The following REV3L variants were observed in gnomAD, a reference collection of about 807,000 sequenced individuals.
REV3L encodes the protein REV3 like, DNA directed polymerase zeta catalytic subunit.
In REV3L, 69 loss-of-function variants were observed where a neutral mutation model predicts 299.4. That is an observed-to-expected ratio of 0.23 (90% CI 0.19 to 0.28). The LOEUF is 0.28. Among genes scored for constraint, REV3L ranks in the 10% least tolerant of loss-of-function variants. REV3L has a pLI of 1.00. For synonymous variants in REV3L, 1,238 were observed against 1,271.4 expected (o/e 0.97, Z 0.56); for missense variants, 3,128 against 3,693.8 (o/e 0.85, Z 3.97).
intron 1 of REV3L, among the ~76,000 whole-genome samples, chr6:111,476,900 G>A (rs990699929): frequency 6.6e-6 from 1 of 152,048 alleles, no homozygotes; most frequent in African/African-American, 2.4e-5. Context: ...ACCATATCTA[G>A]AAAATCAATT....
chr6:111,374,378 G>C lies in REV3L; in HGVS notation c.3977C>G (p.Ser1326Cys). 1 of 1,613,878 alleles carries C rather than the reference G, an allele frequency of 6.2e-7. No homozygotes were observed. The highest frequency in any genetic ancestry group is 1.1e-5 in the South Asian group (1 of 91,068). ...AATTTTTGAGACTCCAGGTCCTATA[G>C]AATTACAAACAACTGATGGATGCAA... ...DDLHPSVVCN[S>C]IGPGVSKINV... The change falls in exon 13 of 32, where the codon TCT becomes TGT. Residue 1326 changes from serine to cysteine, a missense_variant. Physicochemically the swap from Ser to Cys is moderately radical, Grantham distance 112 (BLOSUM62 -1). Around this residue, in one of 9 missense-constraint regions of REV3L, gnomAD observed 2,409 missense variants for 2,611.8 expected, o/e 0.92. Coordinates refer to ENST00000368802, the MANE Select transcript of REV3L (RefSeq NM_001372078.1).
chr6:111,467,150 T>C (rs1368744383), intron 1 of REV3L, among the ~76,000 whole-genome samples: 1 of 152,232 alleles, frequency 6.6e-6, no homozygotes, highest in Non-Finnish European at 1.5e-5. Flanking sequence ...GTTCGACAAC[T>C]TTAAAATGTT....
chr6:111,371,000 T>C (rs1385708408), intron 13 of REV3L, among the ~76,000 whole-genome samples: 3 of 152,006 alleles, frequency 2.0e-5, no homozygotes, highest in African/African-American at 7.2e-5. Context: ...GTCAGGAACA[T>C]GGTACTGCCA....
intron 3 of REV3L, among the ~76,000 whole-genome samples, chr6:111,409,658 A>G (rs1285952265): frequency 6.6e-6 from 1 of 152,216 alleles, no homozygotes; most frequent in Non-Finnish European, 1.5e-5. Context: ...GCCTGAGTAG[A>G]GGATAGAGAA....
intron 1 of REV3L, among the ~76,000 whole-genome samples, chr6:111,469,336 A>C (rs1053771911): frequency 1.3e-5 from 2 of 152,214 alleles, no homozygotes; most frequent in African/African-American, 2.4e-5. Flanking sequence ...AAATGGAATA[A>C]AAACAAGAAC....
At chr6:111,339,594 A>G (rs1399467849) in intron 21 of REV3L, among the ~76,000 whole-genome samples, 1 of 152,130 alleles carries the variant, frequency 6.6e-6, no homozygotes, top group African/African-American at 2.4e-5. Context: ...TTTCATAACT[A>G]AAGGTTAATT....
chr6:111,469,375 T>G (rs913237731), intron 1 of REV3L, among the ~76,000 whole-genome samples: 2 of 152,148 alleles, frequency 1.3e-5, no homozygotes, highest in Admixed American at 1.3e-4. Flanking sequence ...ATCTGAACTG[T>G]TGAATAAATT....
intron 1 of REV3L, among the ~76,000 whole-genome samples, chr6:111,427,375 C>T (rs1193626559): frequency 6.6e-6 from 1 of 152,002 alleles, no homozygotes; most frequent in African/African-American, 2.4e-5. Flanking sequence ...ACAACTCTTT[C>T]AACTCAATAA....
chr6:111,474,673 T>C (rs1001326624), intron 1 of REV3L, among the ~76,000 whole-genome samples: 1 of 152,188 alleles, frequency 6.6e-6, no homozygotes, highest in Admixed American at 6.5e-5. Flanking sequence ...CTGAAAACTT[T>C]GAATTAGAAG....
chr6:111,402,797 T>C (rs1388474630), intron 4 of REV3L, among the ~76,000 whole-genome samples: 1 of 152,114 alleles, frequency 6.6e-6, no homozygotes, highest in Non-Finnish European at 1.5e-5. Context: ...TTAGAAAGGA[T>C]ATTAGGACTG....
Position 111,465,015 on chromosome 6 carries a change from A to C in REV3L, c.139+17735T>G, listed in dbSNP as rs576809751. ...AGACTCCATCTCAAAAAAAAGGAAA[A>C]CACATAAAACGGTCTATGCTGCAAA... On this transcript the variant is annotated intron_variant, in intron 1 of 31. Coordinates refer to ENST00000368802, the MANE Select transcript of REV3L (RefSeq NM_001372078.1). 5.3e-5 allele frequency among the ~76,000 whole-genome samples: 8 copies of C among 152,046 alleles called. No individual in the cohort carries two copies. In the South Asian group the frequency reaches 1.7e-3, roughly 32 times the overall value.
chr6:111,315,447 A>C, intron 26 of REV3L, 66 bp from the exon 27 acceptor site: 1 of 1,237,604 alleles, frequency 8.1e-7, no homozygotes, highest in Admixed American at 1.9e-5. Context: ...TATCAAGAGT[A>C]ACTTTCCTGG....
At chr6:111,429,424 T>C (rs570458392) in intron 1 of REV3L, among the ~76,000 whole-genome samples, 1 of 152,200 alleles carries the variant, frequency 6.6e-6, no homozygotes, top group Admixed American at 6.5e-5. Flanking sequence ...AAAAAAACAC[T>C]AACTTACAAA....
chr6:111,399,077 T>C (rs927785324), intron 4 of REV3L, among the ~76,000 whole-genome samples: 5 of 152,178 alleles, frequency 3.3e-5, no homozygotes, highest in Admixed American at 3.3e-4. Context: ...ATAAATAAAA[T>C]AAATGGTTTC....
At chr6:111,415,036 A>C (rs1784609008) in intron 2 of REV3L, among the ~76,000 whole-genome samples, 1 of 152,174 alleles carries the variant, frequency 6.6e-6, no homozygotes, top group African/African-American at 2.4e-5. Flanking sequence ...ACAGTTGCTT[A>C]AGTAATCCTT....
At chr6:111,334,996 CATT>C (rs974752498) in intron 22 of REV3L, among the ~76,000 whole-genome samples, 4 of 152,100 alleles carry the variant, frequency 2.6e-5, no homozygotes, top group Non-Finnish European at 5.9e-5. Context: ...AAAAATCTCT[CATT>C]ATATCCTTGG....
intron 19 of REV3L, among the ~76,000 whole-genome samples, chr6:111,350,537 A>AAAT (rs1777478527): frequency 6.6e-6 from 1 of 151,702 alleles, no homozygotes; most frequent in Non-Finnish European, 1.5e-5. Context: ...AGCTACACAA[A>AAAT]AATTCATGGA....
chr6:111,437,264 T>C (rs1375473106), intron 1 of REV3L, among the ~76,000 whole-genome samples: 1 of 152,144 alleles, frequency 6.6e-6, no homozygotes, highest in Non-Finnish European at 1.5e-5. Context: ...TGAAAATACA[T>C]GTCCACACAA....
chr6:111,434,189 A>C (rs1787262552), intron 1 of REV3L, among the ~76,000 whole-genome samples: 2 of 152,242 alleles, frequency 1.3e-5, no homozygotes, highest in African/African-American at 4.8e-5. Flanking sequence ...AGTCCTGTCC[A>C]GAGCAATGAG....
Sources: gnomAD v4.1 joint callset for allele counts (sites outside exome capture counted in the v4.1 genomes callset) on GRCh38, gnomAD v4.1.1 for gene constraint, gnomAD v4.1.1 regional missense constraint, MANE v1.5 for transcripts, NCBI Gene and HGNC (gene_info 2026-07-23, HGNC 2026-07-21) for gene names.